Variants in FAM135A observed in about 807,000 individuals in gnomAD.
The protein encoded by FAM135A is family with sequence similarity 135 member A.
FAM135A carries 79 observed loss-of-function variants against 146.8 expected under a neutral mutation model. The ratio of observed to expected loss-of-function variants is 0.54; its 90% CI spans 0.45 to 0.65. FAM135A has a LOEUF of 0.65. Ranked by LOEUF, FAM135A falls within the 30% of genes least tolerant of loss-of-function variation. The pLI is 0.00. For missense variants in FAM135A, 1,623 were observed against 1,758.2 expected (o/e 0.92, Z 1.38); for synonymous variants, 562 against 603.6 (o/e 0.93, Z 1.01).
At chr6:70,511,425 T>C (rs1790984984) in intron 12 of FAM135A, among the ~76,000 whole-genome samples, 1 of 151,930 alleles carries the variant, frequency 6.6e-6, no homozygotes, top group South Asian at 2.1e-4. Context: ...TATCTGCTAC[T>C]AATACAGTTT....
chr6:70,503,139 A>T (rs1407524532), intron 12 of FAM135A: 1 of 160,148 alleles, frequency 6.2e-6, no homozygotes, highest in Admixed American at 6.1e-5. Flanking sequence ...TCAAACTTAT[A>T]TCTCCCTCTT....
rs192687796 is a variant in FAM135A at position 70,416,356 on chromosome 6, T to C, written c.-134+980T>C. ...AATGTAAGAGTTACACCTATATCTT[T>C]AGTTAATCCTTAATTTTCTGTTTTA... On this transcript the variant is annotated intron_variant, in intron 2 of 21. Transcript: ENST00000418814. Among the ~76,000 whole-genome samples, 546 of 152,384 alleles carry C rather than the reference T, an allele frequency of 3.6e-3. 3 individuals carry two copies. Among genetic ancestry groups the C allele is most frequent in the Non-Finnish European group, 6.2e-3 (425 of 68,032 alleles).
rs1303721498 is a variant in FAM135A at position 70,521,680 on chromosome 6, C to T, written c.1030-833C>T. ...TAATTGTAGATGTAATATAATTTCT[C>T]CTCCCTGTACTGTCCAAATAAGACA... On this transcript the variant is annotated intron_variant, in intron 12 of 21. Coordinates refer to ENST00000418814, the MANE Select transcript of FAM135A (RefSeq NM_001162529.3). Among the ~76,000 whole-genome samples, 4 of 152,136 alleles carry T rather than the reference C, an allele frequency of 2.6e-5. No individual in the cohort carries two copies. In the East Asian group the frequency reaches 5.8e-4, roughly 22 times the overall value.
intron 5 of FAM135A, among the ~76,000 whole-genome samples, chr6:70,467,961 T>A (rs1780802011): frequency 6.6e-6 from 1 of 152,226 alleles, no homozygotes; most frequent in African/African-American, 2.4e-5. Context: ...TAGGCCTCAG[T>A]TGTCTAAACA....
At chr6:70,450,385 T>A (rs1776759349) in intron 4 of FAM135A, among the ~76,000 whole-genome samples, 1 of 152,212 alleles carries the variant, frequency 6.6e-6, no homozygotes, top group Non-Finnish European at 1.5e-5. Flanking sequence ...TTTCTTCTAG[T>A]AGTTTTACAG....
chr6:70,431,131 T>C (rs1376008399), intron 4 of FAM135A, among the ~76,000 whole-genome samples: 1 of 152,172 alleles, frequency 6.6e-6, no homozygotes, highest in Non-Finnish European at 1.5e-5. Context: ...TAATGCCACT[T>C]ATTTTAAGTT....
intron 12 of FAM135A, among the ~76,000 whole-genome samples, chr6:70,505,498 A>G (rs1448382192): frequency 6.6e-6 from 1 of 151,894 alleles, no homozygotes; most frequent in African/African-American, 2.4e-5. Context: ...TTTCCCGGTG[A>G]TTAGATTAAG....
intron 11 of FAM135A, among the ~76,000 whole-genome samples, chr6:70,497,380 C>T (rs1458337110): frequency 6.6e-6 from 1 of 152,162 alleles, no homozygotes; most frequent in Non-Finnish European, 1.5e-5. Flanking sequence ...TGCTTATCAG[C>T]TTAAGGAGAT....
At chr6:70,540,122 T>C (rs1415604661) in intron 20 of FAM135A, among the ~76,000 whole-genome samples, 3 of 152,202 alleles carry the variant, frequency 2.0e-5, no homozygotes, top group Non-Finnish European at 4.4e-5. Context: ...ACCCTTTAGA[T>C]AATTCATTAT....
At chr6:70,549,173 G>A (rs1749736668) in intron 20 of FAM135A, among the ~76,000 whole-genome samples, 1 of 152,010 alleles carries the variant, frequency 6.6e-6, no homozygotes. Context: ...CACACAATGA[G>A]GTAAAGGCTA....
intron 5 of FAM135A, among the ~76,000 whole-genome samples, chr6:70,474,927 G>GCCC (rs1027214158): frequency 1.1e-4 from 16 of 152,248 alleles, no homozygotes; most frequent in African/African-American, 3.4e-4. Context: ...GATGTGGCCA[G>GCCC]CCCCCATCCT....
chr6:70,419,724 G>T (rs1220867377), intron 2 of FAM135A, among the ~76,000 whole-genome samples: 1 of 152,116 alleles, frequency 6.6e-6, no homozygotes, highest in Non-Finnish European at 1.5e-5. Flanking sequence ...TGAATCTGCT[G>T]TTCCTTCATT....
At position 70,482,130 on chromosome 6, in the gene FAM135A, C is replaced by G. The variant is rs771326666; in HGVS notation, c.799C>G (p.Pro267Ala). 6.2e-7 allele frequency: 1 copy of G among 1,613,376 alleles called. No individual in the cohort carries two copies. The highest frequency in any genetic ancestry group is 8.5e-7 in the Non-Finnish European group (1 of 1,179,644). Reference sequence around the variant, plus strand: ...CTTCATTACAGTAACAGAAGAGATTCCTTCTTGTCAGAAACTAGAACTGGG... The same window carrying G: ...CTTCATTACAGTAACAGAAGAGATTGCTTCTTGTCAGAAACTAGAACTGGG... Reference protein sequence around the residue: ...SYFITVTEEIPSCQKLELEEM... With the variant: ...SYFITVTEEIASCQKLELEEM... The change falls in exon 10 of 22, where the codon CCT becomes GCT. Residue 267 changes from proline (P) to alanine (A), a missense_variant. By Grantham distance (27) the Pro-to-Ala change is conservative. This residue lies in a region of FAM135A where 206 missense variants were observed against 194.7 expected (regional missense o/e 1.06). Coordinates refer to ENST00000418814, the MANE Select transcript of FAM135A (RefSeq NM_001162529.3).
At chr6:70,420,814 T>G (rs1388296635) in intron 2 of FAM135A, among the ~76,000 whole-genome samples, 1 of 152,192 alleles carries the variant, frequency 6.6e-6, no homozygotes, top group Non-Finnish European at 1.5e-5. Context: ...ATTTATGTTC[T>G]TTTTTGTACT....
intron 10 of FAM135A, chr6:70,486,254 C>A (rs779495844): frequency 6.2e-7 from 1 of 1,611,172 alleles, no homozygotes; most frequent in Non-Finnish European, 8.5e-7. Flanking sequence ...GGTACGTTTA[C>A]AAATAGCTTA....
chr6:70,503,418 T>A (rs553569874), intron 12 of FAM135A: 1 of 152,264 alleles, frequency 6.6e-6, no homozygotes, highest in Non-Finnish European at 1.5e-5. Context: ...CCAAACATCA[T>A]TAATTTTTTT....
chr6:70,561,108 T>C lies in FAM135A; in HGVS notation c.*1187T>C, dbSNP rs2128528217. The C allele has an allele frequency of 6.5e-6, 1 of 152,708 alleles. No individual in the cohort carries two copies. The highest frequency in any genetic ancestry group is 1.9e-4 in the East Asian group (1 of 5,194). The allele number at this position is 152,708 out of a possible 1,614,324, so 9.5% of individuals were successfully genotyped here. ...TATTGTACAATTGATGCATGTTTAT[T>C]TTTAGCGTTGTTATTGCCTCTGGTG... On this transcript the variant is annotated 3_prime_UTR_variant, in exon 22 of 22. Coordinates refer to ENST00000418814, the MANE Select transcript of FAM135A (RefSeq NM_001162529.3).
chr6:70,475,353 A>C, intron 5 of FAM135A, 57 bp from the exon 6 acceptor site: 8 of 1,376,614 alleles, frequency 5.8e-6, no homozygotes, highest in Non-Finnish European at 7.8e-6. Flanking sequence ...ACAAGTGTTA[A>C]TTTGCTTGTG....
At chr6:70,522,066 G>A (rs1327735963) in intron 12 of FAM135A, among the ~76,000 whole-genome samples, 3 of 152,080 alleles carry the variant, frequency 2.0e-5, no homozygotes, top group Non-Finnish European at 4.4e-5. Flanking sequence ...ACAAGCACCT[G>A]CCACCATGCC....
Sources: allele counts gnomAD v4.1 joint callset (sites outside exome capture counted in the v4.1 genomes callset), GRCh38; gene constraint gnomAD v4.1.1; regional missense constraint gnomAD v4.1.1; transcripts MANE v1.5; gene names NCBI Gene and HGNC (gene_info 2026-07-23, HGNC 2026-07-21).